KRT78: variants seen among roughly 807,000 people sequenced by gnomAD.
The protein encoded by KRT78 is keratin 78, also known as keratin, type II cytoskeletal 78.
In KRT78, 55 loss-of-function variants were observed where a neutral mutation model predicts 51.4. That is an observed-to-expected ratio of 1.07 (90% confidence interval 0.86 to 1.34). The LOEUF is 1.34. Among genes scored for constraint, KRT78 ranks in the 40% most tolerant of loss-of-function variants. KRT78 has a pLI of 0.00. For synonymous variants in KRT78, 291 were observed against 264.3 expected (o/e 1.10, Z -0.98); for missense variants, 652 against 649.4 (o/e 1.00, Z -0.04).
At chr12:52,847,322 G>A (rs74094266) in intron 2 of KRT78, among the ~76,000 whole-genome samples, 5,662 of 152,180 alleles carry the variant, frequency 0.037, 364 homozygotes, top group African/African-American at 0.13. Flanking sequence ...ACCAAGTCCG[G>A]GAGAGATGAG....
At chr12:52,842,775 G>A (rs1289177033) in intron 6 of KRT78, among the ~76,000 whole-genome samples, 5 of 150,202 alleles carry the variant, frequency 3.3e-5, no homozygotes, top group South Asian at 2.1e-4. Context: ...AAAATTAGCC[G>A]GGTGTGGTGG....
rs529616466 is a variant in KRT78 at position 52,838,824 on chromosome 12, G to T, written c.*289C>A. ...GCTTGAAGGATCCCTTGATAGAGTG[G>T]CTGGGATGTGGAGTGAGATACCAAT... is the stretch of plus-strand genomic sequence containing the variant. On this transcript the variant is annotated 3_prime_UTR_variant, in exon 9 of 9. Coordinates refer to ENST00000304620, the MANE Select transcript of KRT78 (RefSeq NM_173352.4). 20 of 455,700 alleles carry T rather than the reference G, an allele frequency of 4.4e-5. No homozygotes were observed. In the Admixed American group the frequency reaches 5.4e-4, roughly 12 times the overall value. 28.2% of individuals were successfully genotyped at this position (455,700 alleles called of 1,614,324 possible).
At chr12:52,848,285 C>G (rs1940695248) in intron 1 of KRT78, 164 bp from the exon 2 acceptor site, 1 of 1,537,926 alleles carries the variant, frequency 6.5e-7, no homozygotes, top group Non-Finnish European at 8.7e-7. Flanking sequence ...ACTCTGAACA[C>G]AACAAAATGA....
At position 52,839,748 on chromosome 12, in the gene KRT78, T is replaced by C. The variant is rs1592143052; in HGVS notation, c.1268+16A>G. 6.2e-7 allele frequency: 1 copy of C among 1,611,274 alleles called. No homozygotes were observed. The highest frequency in any genetic ancestry group is 8.5e-7 in the Non-Finnish European group (1 of 1,177,898). On this transcript the variant is annotated intron_variant, in intron 7 of 8. Coordinates refer to ENST00000304620, the MANE Select transcript of KRT78 (RefSeq NM_173352.4). ...CCCCAAACTCATATTCCCAGGTCCC[T>C]CCAAGCCTCCCTCACCTGCACTCCT...
At chr12:52,848,158 G>A (rs373840084) in intron 1 of KRT78, 37 bp from the exon 2 acceptor site, 211 of 1,603,256 alleles carry the variant, frequency 1.3e-4, no homozygotes, top group Admixed American at 2.2e-4. Context: ...GGCTCCTGTG[G>A]GACTCCCTGT....
At chr12:52,848,419 G>T in intron 1 of KRT78, 128 bp downstream of exon 1, 1 of 1,429,962 alleles carries the variant, frequency 7.0e-7, no homozygotes, top group Non-Finnish European at 9.4e-7. Flanking sequence ...CCACAGGAGG[G>T]ACTTCTTTGC....
Position 52,839,513 on chromosome 12 carries a change from A to T in KRT78, c.1269-26T>A, listed in dbSNP as rs373901932. 2.3e-4 allele frequency: 364 copies of T among 1,559,420 alleles called. 1 individual carries two copies. The highest frequency in any genetic ancestry group is 2.7e-4 in the Non-Finnish European group (315 of 1,153,248). Reference sequence around the variant, plus strand: ...CTAGGGGGAAAAGGACAAGAGGGGGATGCGCTAAGGAATACTACAAAGAAT... The same window carrying T: ...CTAGGGGGAAAAGGACAAGAGGGGGTTGCGCTAAGGAATACTACAAAGAAT... On this transcript the variant is annotated intron_variant, in intron 7 of 8. Transcript: ENST00000304620.
rs1156471281 is a variant in KRT78, at chr12:52,848,548, T to C, written c.383A>G (p.Lys128Arg). ...GGGCTTGGCTGAGTTGACCCTCACCTTGTCAATGAAGGAAGCAAACTGGTT... is the reference window on the plus strand; with the variant it reads ...GGGCTTGGCTGAGTTGACCCTCACCCTGTCAATGAAGGAAGCAAACTGGTT... Reference protein sequence around the residue: ...LNNQFASFIDKVRFLEQQNKV... With the variant: ...LNNQFASFIDRVRFLEQQNKV... The change falls in exon 1 of 9, where the codon AAG (lysine) becomes AGG (arginine). Residue 128 changes from lysine to arginine, a missense_variant and splice_region_variant. By Grantham distance (26) the Lys-to-Arg change is conservative (BLOSUM62 2). Transcript: ENST00000304620. 3.1e-6 allele frequency: 5 copies of C among 1,613,786 alleles called. No individual in the cohort carries two copies. In the Admixed American group the frequency reaches 8.3e-5, roughly 27 times the overall value.
Position 52,844,436 on chromosome 12 carries a change from C to T in KRT78, c.921+123G>A, listed in dbSNP as rs552350833. 16 of 1,286,922 alleles carry T rather than the reference C, an allele frequency of 1.2e-5. No homozygotes were observed. The African/African-American group carries it at 1.8e-4, about 14-fold the overall frequency. 79.7% of individuals were successfully genotyped at this position (1,286,922 alleles called of 1,614,324 possible). ...AGGGGAAATGGCCCTGCCCACCCAG[C>T]CCCAGACCTTCAGGGAGGTAACTGG... is the stretch of plus-strand genomic sequence containing the variant. On this transcript the variant is annotated intron_variant, in intron 5 of 8. Transcript: ENST00000304620.
At chr12:52,844,537 G>T (rs1940593590) in intron 5 of KRT78, 22 bp downstream of exon 5, 1 of 1,605,936 alleles carries the variant, frequency 6.2e-7, no homozygotes, top group African/African-American at 1.3e-5. Flanking sequence ...CCAGCATGGT[G>T]CTGCCCCCCA....
chr12:52,846,051 G>A (rs745415857), intron 4 of KRT78, 146 bp downstream of exon 4: 47 of 611,800 alleles, frequency 7.7e-5, no homozygotes, highest in Middle Eastern at 4.3e-4. Context: ...TAAGTTTTCA[G>A]TAATTGGTTG....
chr12:52,848,667 G>A lies in KRT78; in HGVS notation c.264C>T (p.Ile88=), dbSNP rs1940704930. 16 of 1,613,866 alleles carry A rather than the reference G, an allele frequency of 9.9e-6. No homozygotes were observed. The East Asian group carries it at 3.3e-4, about 34-fold the overall frequency. ...CPPGGIQEVT[I]NQNLLTPLKI... ...TCAGTGGGGTCAGCAGATTCTGGTT[G>A]ATGGTCACTTCTTGGATGCCCCCCG... Residue 88 remains isoleucine, a synonymous_variant, in exon 1 of 9, where the codon ATC becomes ATT. Transcript: ENST00000304620.
Position 52,839,932 on chromosome 12 carries a change from G to A in KRT78, c.1100C>T (p.Ala367Val). The change falls in exon 7 of 9, where the codon GCC (alanine) becomes GTC (valine). Residue 367 changes from alanine to valine, a missense_variant. Transcript: ENST00000304620. ...ITDAEQRGEL[A>V]LKDAQAKVDE... The stretch of plus-strand genomic sequence containing the variant: ...CACCTTGGCCTGAGCGTCCTTGAGG[G>A]CCAGCTCCCCACGCTGCTCAGCATC... The A allele has an allele frequency of 1.2e-6, 2 of 1,614,054 alleles. No homozygotes were observed. Among genetic ancestry groups the A allele is most frequent in the Non-Finnish European group, 1.7e-6 (2 of 1,180,004 alleles).
rs1311261321 is a variant in KRT78, at chr12:52,848,727, C to G, written c.204G>C (p.Glu68Asp). 1 of 1,612,244 alleles carries G rather than the reference C, an allele frequency of 6.2e-7. No individual in the cohort carries two copies. Among genetic ancestry groups the G allele is most frequent in the Non-Finnish European group, 8.5e-7 (1 of 1,179,006 alleles). ...GGGAGAGCCCAGGCCCACCACTCCA[C>G]TCCCCAAACCGCACCCCCAGCCTAC... ...SGGRLGVRFG[E>D]WSGGPGLSLC... The change falls in exon 1 of 9, where the codon GAG (glutamate) becomes GAC (aspartate). Residue 68 changes from glutamate to aspartate, a missense_variant. Coordinates refer to ENST00000304620, the MANE Select transcript of KRT78 (RefSeq NM_173352.4).
At position 52,848,977 on chromosome 12, in the gene KRT78, C is replaced by A. The variant is rs755686373; in HGVS notation, c.-47G>T. ...AGCTGCAGACGGACAGACAGATTGT[C>A]AAGGTGTGTGAGTTTCTGCCCTGGG... On this transcript the variant is annotated 5_prime_UTR_variant, in exon 1 of 9. Transcript: ENST00000304620. 3 of 1,503,220 alleles carry A rather than the reference C, an allele frequency of 2.0e-6. No individual in the cohort carries two copies. The highest frequency in any genetic ancestry group is 2.6e-6 in the Non-Finnish European group (3 of 1,133,936). 93.1% of individuals were successfully genotyped at this position (1,503,220 alleles called of 1,614,324 possible).
Position 52,848,119 on chromosome 12 carries a change from C to A in KRT78, c.387G>T (p.Val129=). 6.2e-7 allele frequency: 1 copy of A among 1,613,936 alleles called. No individual in the cohort carries two copies. The highest frequency in any genetic ancestry group is 1.3e-5 in the African/African-American group (1 of 75,036). The change falls in exon 2 of 9, where the codon GTG becomes GTT. Residue 129 remains valine, a splice_region_variant and synonymous_variant. Coordinates refer to ENST00000304620, the MANE Select transcript of KRT78 (RefSeq NM_173352.4). ...CCTTGTTCTGCTGCTCCAGGAACCG[C>A]ACCTGCAGCAAAAGCAGAGGATCCC... The part of the protein sequence containing the change: ...NNQFASFIDK[V]RFLEQQNKVL...
intron 1 of KRT78, 111 bp from the exon 2 acceptor site, chr12:52,848,232 C>T: frequency 5.2e-6 from 8 of 1,545,560 alleles, no homozygotes; most frequent in Non-Finnish European, 7.0e-6. Flanking sequence ...CCCCTGTCCC[C>T]CTGCCCAACC....
At chr12:52,845,128 C>G (rs1940611039) in intron 4 of KRT78, among the ~76,000 whole-genome samples, 1 of 151,732 alleles carries the variant, frequency 6.6e-6, no homozygotes, top group Non-Finnish European at 1.5e-5. Flanking sequence ...CCATTCTTCT[C>G]CCTCAGCCTC....
chr12:52,843,681 T>A (rs1440020308), intron 6 of KRT78, among the ~76,000 whole-genome samples: 1 of 121,710 alleles, frequency 8.2e-6, no homozygotes, highest in East Asian at 3.1e-4. Flanking sequence ...GGAGTAAGAC[T>A]CTGTCTCAAA....
Sources: gnomAD v4.1 joint callset for allele counts (sites outside exome capture counted in the v4.1 genomes callset) on GRCh38, gnomAD v4.1.1 for gene constraint, MANE v1.5 for transcripts, NCBI Gene and HGNC (gene_info 2026-07-23, HGNC 2026-07-21) for gene names.